KCND2: variants seen among roughly 807,000 people sequenced by gnomAD.
KCND2 encodes A-type voltage-gated potassium channel KCND2.
KCND2 carries 16 observed loss-of-function variants against 54.4 expected under a neutral mutation model. The observed-to-expected ratio is 0.29, with a 90% CI of 0.20 to 0.45. The LOEUF (loss-of-function observed/expected upper bound fraction) is 0.45. Among genes scored for constraint, KCND2 ranks in the 20% least tolerant of loss-of-function variants. The pLI is 1.00. For synonymous variants in KCND2, 317 were observed against 310.7 expected (o/e 1.02, Z -0.21); for missense variants, 486 against 824.2 (o/e 0.59, Z 5.02).
intron 1 of KCND2, among the ~76,000 whole-genome samples, chr7:120,288,897 G>T (rs1799388190): frequency 6.6e-6 from 1 of 152,094 alleles, no homozygotes; most frequent in African/African-American, 2.4e-5. Context: ...GGTTTGAAAT[G>T]AGGTTAGTTA....
chr7:120,333,370 C>T (rs1800095086), intron 1 of KCND2, among the ~76,000 whole-genome samples: 1 of 151,890 alleles, frequency 6.6e-6, no homozygotes, highest in African/African-American at 2.4e-5. Flanking sequence ...CTCATCTCAC[C>T]CAGGGTTAGT....
chr7:120,296,479 C>A (rs757288478), intron 1 of KCND2, among the ~76,000 whole-genome samples: 3 of 152,052 alleles, frequency 2.0e-5, no homozygotes, highest in Non-Finnish European at 4.4e-5. Context: ...TAATAATTAG[C>A]TTCACATTAT....
chr7:120,530,258 C>T (rs1791826571), intron 1 of KCND2, among the ~76,000 whole-genome samples: 1 of 151,976 alleles, frequency 6.6e-6, no homozygotes, highest in South Asian at 2.1e-4. Context: ...TATTGCATGC[C>T]TATGTCAAAA....
chr7:120,421,779 G>A (rs1003620315), intron 1 of KCND2, among the ~76,000 whole-genome samples: 4 of 152,078 alleles, frequency 2.6e-5, no homozygotes, highest in Admixed American at 6.5e-5. Context: ...ACTTTGAATC[G>A]CTAGGCTAAT....
At position 120,634,238 on chromosome 7, in the gene KCND2, G is replaced by C. The variant is rs144882234; in HGVS notation, c.1116-98665G>C. Among the ~76,000 whole-genome samples the C allele has an allele frequency of 4.7e-3, 707 of 152,004 alleles. 5 individuals carry two copies. The highest frequency in any genetic ancestry group is 0.016 in the African/African-American group (680 of 41,450). On this transcript the variant is annotated intron_variant, in intron 1 of 5. Transcript: ENST00000331113. ...GTTCAACAAGCAAAAAATATGTATT[G>C]AACAATAATACTTATTACAATGCCT...
intron 1 of KCND2, among the ~76,000 whole-genome samples, chr7:120,651,223 A>G (rs1791728802): frequency 7.0e-6 from 1 of 143,288 alleles, no homozygotes; most frequent in Non-Finnish European, 1.5e-5. Context: ...GGTGGAGTCT[A>G]CAGAGGCAGG....
intron 1 of KCND2, among the ~76,000 whole-genome samples, chr7:120,365,512 G>C (rs1800661561): frequency 6.6e-6 from 1 of 152,080 alleles, no homozygotes; most frequent in Admixed American, 6.6e-5. Flanking sequence ...TATTCAGGGA[G>C]GACAGAAGAG....
At chr7:120,676,319 G>T (rs1792060117) in intron 1 of KCND2, among the ~76,000 whole-genome samples, 1 of 151,972 alleles carries the variant, frequency 6.6e-6, no homozygotes, top group Admixed American at 6.6e-5. Context: ...GCAATTAAAT[G>T]AATGTTTAAT....
chr7:120,516,002 A>G (rs1019235122), intron 1 of KCND2, among the ~76,000 whole-genome samples: 2 of 152,084 alleles, frequency 1.3e-5, no homozygotes, highest in Admixed American at 6.6e-5. Context: ...TCTTCTCAGC[A>G]CTTTCTTTCT....
At chr7:120,314,302 C>A (rs1313249628) in intron 1 of KCND2, among the ~76,000 whole-genome samples, 2 of 150,710 alleles carry the variant, frequency 1.3e-5, no homozygotes, top group Non-Finnish European at 2.9e-5. Flanking sequence ...CACTGCACCC[C>A]AGCCTGGGTG....
At chr7:120,394,077 C>A (rs1244600811) in intron 1 of KCND2, among the ~76,000 whole-genome samples, 1 of 151,898 alleles carries the variant, frequency 6.6e-6, no homozygotes, top group Non-Finnish European at 1.5e-5. Context: ...GTGTAATCAT[C>A]CGATGGGTTC....
chr7:120,457,096 T>C (rs1159323560), intron 1 of KCND2, among the ~76,000 whole-genome samples: 1 of 152,204 alleles, frequency 6.6e-6, no homozygotes. Flanking sequence ...CTGGAGCAGC[T>C]GGGACACAGG....
intron 1 of KCND2, among the ~76,000 whole-genome samples, chr7:120,292,591 C>T (rs1173198241): frequency 6.6e-6 from 1 of 151,814 alleles, no homozygotes; most frequent in African/African-American, 2.4e-5. Context: ...ATATGGCCTT[C>T]TATGAACTTT....
At chr7:120,307,893 T>A (rs577257535) in intron 1 of KCND2, among the ~76,000 whole-genome samples, 1 of 152,264 alleles carries the variant, frequency 6.6e-6, no homozygotes, top group East Asian at 1.9e-4. Flanking sequence ...AGGAAATAAC[T>A]GCTTTTTTGT....
intron 1 of KCND2, among the ~76,000 whole-genome samples, chr7:120,381,987 G>A (rs1251271529): frequency 6.6e-6 from 1 of 150,780 alleles, no homozygotes; most frequent in African/African-American, 2.4e-5. Flanking sequence ...ATAGTTGGTA[G>A]TTTCGTGTGG....
intron 1 of KCND2, among the ~76,000 whole-genome samples, chr7:120,413,403 C>T (rs190887453): frequency 9.9e-5 from 15 of 151,904 alleles, no homozygotes; most frequent in East Asian, 9.7e-4. Flanking sequence ...TTAATTTGTT[C>T]ACCTATGTCT....
intron 1 of KCND2, among the ~76,000 whole-genome samples, chr7:120,351,361 AGCATACACACAC>A (rs1800399582): frequency 8.5e-6 from 1 of 117,768 alleles, no homozygotes; most frequent in African/African-American, 3.5e-5. Context: ...AAAATCGAAG[AGCATACACACAC>A]ACACACACAC....
chr7:120,706,564 A>T (rs1792471280), intron 1 of KCND2, among the ~76,000 whole-genome samples: 1 of 152,188 alleles, frequency 6.6e-6, no homozygotes, highest in African/African-American at 2.4e-5. Context: ...CTCATGGCTT[A>T]ATCACCTCTT....
At chr7:120,677,368 C>A (rs1432391679) in intron 1 of KCND2, among the ~76,000 whole-genome samples, 1 of 151,940 alleles carries the variant, frequency 6.6e-6, no homozygotes, top group Admixed American at 6.6e-5. Flanking sequence ...ATGATGAGAA[C>A]AAGAGAAGAG....
Sources: allele counts gnomAD v4.1 joint callset (sites outside exome capture counted in the v4.1 genomes callset), GRCh38; gene constraint gnomAD v4.1.1; transcripts MANE v1.5; gene names NCBI Gene and HGNC (gene_info 2026-07-23, HGNC 2026-07-21).